KLHDC10: variants seen among roughly 807,000 people sequenced by gnomAD.
The protein encoded by KLHDC10 is kelch domain containing 10.
Under a neutral mutation model 56.1 loss-of-function variants are expected in KLHDC10, and 24 were observed. The observed-to-expected ratio is 0.43, with a 90% CI of 0.31 to 0.60. The LOEUF (loss-of-function observed/expected upper bound fraction) is 0.60, where lower values mean the gene tolerates loss of function less well. KLHDC10 is among the 20% of genes least tolerant of loss of function. The pLI is 0.11. For missense variants in KLHDC10, 349 were observed against 567.0 expected, an observed-to-expected ratio of 0.62 and a Z score of 3.91; for synonymous variants, 188 against 207.1, an observed-to-expected ratio of 0.91 and a Z score of 0.79.
chr7:130,114,046 C>T (rs1282708623), intron 2 of KLHDC10, among the ~76,000 whole-genome samples: 1 of 152,190 alleles, frequency 6.6e-6, no homozygotes, highest in Non-Finnish European at 1.5e-5. Flanking sequence ...ATACCAAAGT[C>T]CACTGAGAGT....
intron 1 of KLHDC10, among the ~76,000 whole-genome samples, chr7:130,074,682 G>A (rs966190606): frequency 2.0e-5 from 3 of 150,030 alleles, no homozygotes; most frequent in Admixed American, 1.3e-4. Flanking sequence ...GTGCAGTGGC[G>A]CAATGTCACT....
intron 1 of KLHDC10, among the ~76,000 whole-genome samples, chr7:130,072,305 C>T (rs754929681): frequency 3.3e-5 from 5 of 152,152 alleles, no homozygotes; most frequent in Non-Finnish European, 7.4e-5. Flanking sequence ...CTAGAACCTG[C>T]TTGGTGCACT....
intron 1 of KLHDC10, among the ~76,000 whole-genome samples, chr7:130,077,001 A>G (rs1179129141): frequency 6.6e-6 from 1 of 152,094 alleles, no homozygotes; most frequent in Non-Finnish European, 1.5e-5. Context: ...TAATTTAGAG[A>G]TAATTGACAT....
chr7:130,071,582 G>A (rs889445206), intron 1 of KLHDC10, among the ~76,000 whole-genome samples: 2 of 152,174 alleles, frequency 1.3e-5, no homozygotes, highest in Admixed American at 1.3e-4. Flanking sequence ...AAGTGGATAT[G>A]TATGTGTAGA....
At chr7:130,083,985 C>T (rs1795646688) in intron 1 of KLHDC10, among the ~76,000 whole-genome samples, 1 of 152,182 alleles carries the variant, frequency 6.6e-6, no homozygotes, top group Non-Finnish European at 1.5e-5. Context: ...TGTCCCCACC[C>T]TTCTCTTTTC....
intron 1 of KLHDC10, among the ~76,000 whole-genome samples, chr7:130,095,700 G>C (rs1449639333): frequency 6.6e-6 from 1 of 152,128 alleles, no homozygotes; most frequent in Non-Finnish European, 1.5e-5. Flanking sequence ...ACTAGACCCT[G>C]CTAATGGACA....
chr7:130,073,190 A>C (rs1295312566), intron 1 of KLHDC10, among the ~76,000 whole-genome samples: 1 of 152,118 alleles, frequency 6.6e-6, no homozygotes, highest in African/African-American at 2.4e-5. Context: ...GCAACAAAGC[A>C]AGACCACATC....
intron 1 of KLHDC10, among the ~76,000 whole-genome samples, chr7:130,072,394 C>A (rs918278248): frequency 2.0e-5 from 3 of 152,068 alleles, no homozygotes; most frequent in Non-Finnish European, 4.4e-5. Context: ...TTTCTGCATT[C>A]CCTTAGCACA....
intron 2 of KLHDC10, among the ~76,000 whole-genome samples, chr7:130,103,944 C>T (rs1225479140): frequency 2.0e-5 from 3 of 151,820 alleles, no homozygotes; most frequent in Non-Finnish European, 2.9e-5. Flanking sequence ...AAAAATTAGC[C>T]GGGCATGGTG....
intron 8 of KLHDC10, among the ~76,000 whole-genome samples, chr7:130,128,152 T>A (rs1485499112): frequency 2.0e-5 from 3 of 152,218 alleles, no homozygotes; most frequent in Non-Finnish European, 4.4e-5. Context: ...AGGGATTTTT[T>A]ATTGTGCTCC....
Position 130,134,498 on chromosome 7 carries a change from C to T in KLHDC10, c.*3752C>T, listed in dbSNP as rs1486442304. On this transcript the variant is annotated 3_prime_UTR_variant, in exon 10 of 10. Transcript: ENST00000335420. ...ATTATTTGAACACATTTCTTTGGCT[C>T]TTGACAAATACTTGCTTTTCCTCTA... 1 of 152,212 alleles carries T rather than the reference C, an allele frequency of 6.6e-6. No individual in the cohort carries two copies. Among genetic ancestry groups the T allele is most frequent in the Admixed American group, 6.5e-5 (1 of 15,282 alleles). 9.4% of individuals were successfully genotyped at this position (152,212 alleles called of 1,614,324 possible).
Position 130,131,692 on chromosome 7 carries a change from G to C in KLHDC10, c.*946G>C, listed in dbSNP as rs1215510953. 2 of 152,218 alleles carry C rather than the reference G, an allele frequency of 1.3e-5. No individual in the cohort carries two copies. Among genetic ancestry groups the C allele is most frequent in the Non-Finnish European group, 2.9e-5 (2 of 68,044 alleles). The allele number at this position is 152,218 out of a possible 1,614,324, so 9.4% of individuals were successfully genotyped here. ...CCCGAGGGAGGCCAGAGAAGAGCCA[G>C]GCAGAGAAAACCTGCATCCTCTGGG... On this transcript the variant is annotated 3_prime_UTR_variant, in exon 10 of 10. Transcript: ENST00000335420.
chr7:130,083,720 A>G (rs992057333), intron 1 of KLHDC10, among the ~76,000 whole-genome samples: 1 of 152,196 alleles, frequency 6.6e-6, no homozygotes, highest in African/African-American at 2.4e-5. Context: ...ACTGCACTCC[A>G]GCCTGGGCGA....
rs1379768764 is a variant in KLHDC10, at chr7:130,120,955, G to A, written c.630+52G>A. On this transcript the variant is annotated intron_variant, in intron 4 of 9. Transcript: ENST00000335420. This position sits in a 1 kb window ranked among gnomAD's most constrained non-coding sequence, Gnocchi z 5.1. ...TATTTGTTCATATTTTTCTAGTCTGGGGATGGTGTTAGAATATTTGTAATT... is the reference window on the plus strand; with the variant it reads ...TATTTGTTCATATTTTTCTAGTCTGAGGATGGTGTTAGAATATTTGTAATT... 6.4e-7 allele frequency: 1 copy of A among 1,551,282 alleles called. No homozygotes were observed. The highest frequency in any genetic ancestry group is 1.8e-5 in the Admixed American group (1 of 56,928).
chr7:130,114,294 A>T (rs1282157513), intron 2 of KLHDC10, among the ~76,000 whole-genome samples: 1 of 152,242 alleles, frequency 6.6e-6, no homozygotes, highest in African/African-American at 2.4e-5. Flanking sequence ...CGTTTCATTT[A>T]GTGTTTGCTG....
At chr7:130,084,109 TGC>T (rs1795648547) in intron 1 of KLHDC10, among the ~76,000 whole-genome samples, 5 of 152,216 alleles carry the variant, frequency 3.3e-5, no homozygotes, top group Non-Finnish European at 2.9e-5. Context: ...GCCATTTCCT[TGC>T]TTTCTCCATA....
At chr7:130,114,251 T>C (rs1264055932) in intron 2 of KLHDC10, among the ~76,000 whole-genome samples, 2 of 152,216 alleles carry the variant, frequency 1.3e-5, no homozygotes, top group Non-Finnish European at 2.9e-5. Context: ...ACAAAATGCA[T>C]AGAAAAAATT....
chr7:130,092,405 GT>G (rs1795787382), intron 1 of KLHDC10, among the ~76,000 whole-genome samples: 1 of 152,148 alleles, frequency 6.6e-6, no homozygotes, highest in African/African-American at 2.4e-5. Flanking sequence ...TTGGGCCTTA[GT>G]TTTATGCTCA....
intron 2 of KLHDC10, among the ~76,000 whole-genome samples, 189 bp downstream of exon 2, chr7:130,097,196 AGTTTCAG>A: frequency 6.6e-6 from 1 of 152,194 alleles, no homozygotes; most frequent in Non-Finnish European, 1.5e-5. Flanking sequence ...TGTAATTGTA[AGTTTCAG>A]GGAGTCAGAA....
Sources: gnomAD v4.1 joint callset for allele counts (sites outside exome capture counted in the v4.1 genomes callset) on GRCh38, gnomAD v4.1.1 for gene constraint, Gnocchi (gnomAD v3.1) non-coding constraint, MANE v1.5 for transcripts, NCBI Gene and HGNC (gene_info 2026-07-23, HGNC 2026-07-21) for gene names.